HOXC4: variants seen among roughly 807,000 people sequenced by gnomAD.
HOXC4 encodes the protein homeobox C4.
In HOXC4, 15 loss-of-function variants were observed where a neutral mutation model predicts 25.5. That is an observed-to-expected ratio of 0.59 (90% CI 0.39 to 0.91). The LOEUF is 0.91. Among genes scored for constraint, HOXC4 ranks in the 40% least tolerant of loss-of-function variants. HOXC4 has a pLI of 0.00. For missense variants in HOXC4, 342 were observed against 352.4 expected (o/e 0.97, Z 0.24); for synonymous variants, 165 against 148.0 (o/e 1.11, Z -0.83).
At chr12:54,029,172 G>T (rs560916042) in intron 1 of HOXC4, among the ~76,000 whole-genome samples, 30 of 152,316 alleles carry the variant, frequency 2.0e-4, no homozygotes, top group Non-Finnish European at 3.5e-4. Flanking sequence ...AACAGGGCAG[G>T]GGATGAGGGG....
chr12:54,052,543 G>C (rs1419706254), upstream of HOXC4, among the ~76,000 whole-genome samples: 1 of 151,340 alleles, frequency 6.6e-6, no homozygotes, highest in Non-Finnish European at 1.5e-5. Flanking sequence ...AATTGGAATC[G>C]GTGGCATGAC....
rs555227704 is a variant in HOXC4, at chr12:54,045,377, G to A, written c.-123-7783G>A. ...ACCAATCTTTCTATAGTGGTTGGAT[G>A]TATATGCTAGGATGTATTGGTACAG... On this transcript the variant is annotated intron_variant, in intron 1 of 3. Coordinates refer to the HOXC4 transcript ENST00000303406. 2.0e-4 allele frequency among the ~76,000 whole-genome samples: 31 copies of A among 152,336 alleles called. No individual in the cohort carries two copies. In the East Asian group the frequency reaches 3.1e-3, roughly 15 times the overall value.
intron 1 of HOXC4, among the ~76,000 whole-genome samples, chr12:54,037,482 G>T (rs1187104496): frequency 2.0e-5 from 3 of 152,194 alleles, no homozygotes; most frequent in East Asian, 3.9e-4. Flanking sequence ...AGTGGGAAGA[G>T]GGGGGACACG....
intron 1 of HOXC4, among the ~76,000 whole-genome samples, chr12:54,038,330 C>G (rs1051521243): frequency 6.6e-6 from 1 of 152,130 alleles, no homozygotes; most frequent in African/African-American, 2.4e-5. Flanking sequence ...AGAAAGCAAG[C>G]GGCAGCAACA....
upstream of HOXC4, among the ~76,000 whole-genome samples, chr12:54,053,703 C>T (rs1011351786): frequency 2.0e-5 from 3 of 151,848 alleles, no homozygotes; most frequent in South Asian, 2.1e-4. Flanking sequence ...TCACCACCCA[C>T]CCCCGCCTCC....
At chr12:54,052,572 G>A (rs865866823), upstream of HOXC4, among the ~76,000 whole-genome samples, 5 of 149,186 alleles carry the variant, frequency 3.4e-5, no homozygotes, top group Admixed American at 6.6e-5. Flanking sequence ...CCCTAGCTGG[G>A]GGGGGGGGGT....
intron 1 of HOXC4, among the ~76,000 whole-genome samples, chr12:54,041,901 A>G (rs1941279238): frequency 6.6e-6 from 1 of 151,800 alleles, no homozygotes; most frequent in Non-Finnish European, 1.5e-5. Flanking sequence ...GACCTCAGGT[A>G]ATCCACACGC....
chr12:54,030,320 C>T (rs1940935477), intron 1 of HOXC4: 1 of 161,384 alleles, frequency 6.2e-6, no homozygotes, highest in Non-Finnish European at 1.3e-5. Flanking sequence ...CACCCCCGCC[C>T]CCCGTGCAGA....
At chr12:54,048,829 C>G (rs1488759413) in intron 1 of HOXC4, among the ~76,000 whole-genome samples, 1 of 152,190 alleles carries the variant, frequency 6.6e-6, no homozygotes, top group Non-Finnish European at 1.5e-5. Flanking sequence ...CCTCCATAAA[C>G]TAACCTAAGG....
At chr12:54,030,303 A>T in intron 1 of HOXC4, 1 of 158,022 alleles carries the variant, frequency 6.3e-6, no homozygotes. Flanking sequence ...CACTCCTTCG[A>T]CGCCCCCACC....
intron 1 of HOXC4, among the ~76,000 whole-genome samples, chr12:54,036,037 T>C (rs923639472): frequency 1.3e-5 from 2 of 152,096 alleles, no homozygotes; most frequent in African/African-American, 4.8e-5. Flanking sequence ...AGGAGCTGCA[T>C]AGACCAGTGC....
intron 1 of HOXC4, chr12:54,020,198 G>A (rs2136418000): frequency 6.6e-6 from 1 of 152,348 alleles, no homozygotes. Context: ...TCTAATAATA[G>A]CCAGGGTGGC....
At chr12:54,044,012 C>G (rs1012410772) in intron 1 of HOXC4, among the ~76,000 whole-genome samples, 1 of 151,124 alleles carries the variant, frequency 6.6e-6, no homozygotes, top group African/African-American at 2.4e-5. Flanking sequence ...TGTTGTGTCT[C>G]TCCCCATCCC....
intron 1 of HOXC4, among the ~76,000 whole-genome samples, chr12:54,038,468 A>G (rs1941222657): frequency 6.6e-6 from 1 of 152,156 alleles, no homozygotes; most frequent in Non-Finnish European, 1.5e-5. Context: ...AACTGGGGAG[A>G]AAGGCAGGGA....
rs201246146 is a variant in HOXC4 at position 54,053,967 on chromosome 12, G to C, written c.45G>C (p.Pro15=). 1 of 1,613,972 alleles carries C rather than the reference G, an allele frequency of 6.2e-7. No homozygotes were observed. Among genetic ancestry groups the C allele is most frequent in the Middle Eastern group, 1.6e-4 (1 of 6,062 alleles). Residue 15 remains proline, a synonymous_variant, in exon 1 of 2, where the codon CCG becomes CCC. Transcript: ENST00000430889. ...TGATGGACTCTAACTACATCGATCCGAAATTTCCTCCATGCGAAGAATATT... is the reference window on the plus strand; with the variant it reads ...TGATGGACTCTAACTACATCGATCCCAAATTTCCTCCATGCGAAGAATATT... The part of the protein sequence containing the change: ...SYLMDSNYID[P]KFPPCEEYSQ...
intron 1 of HOXC4, 101 bp from the exon 2 acceptor site, chr12:54,054,749 A>G (rs1237743176): frequency 1.5e-5 from 11 of 736,530 alleles, no homozygotes; most frequent in Non-Finnish European, 2.2e-5. Flanking sequence ...TATTTCCACC[A>G]CTCCCTCCTC....
chr12:54,033,544 A>G, intron 1 of HOXC4: 1 of 1,596,948 alleles, frequency 6.3e-7, no homozygotes, highest in Non-Finnish European at 8.5e-7. Context: ...CCACAGATTT[A>G]CCCGTGGATG....
chr12:54,044,006 G>T (rs566353768), intron 1 of HOXC4, among the ~76,000 whole-genome samples: 235 of 149,316 alleles, frequency 1.6e-3, no homozygotes, highest in South Asian at 3.2e-3. Context: ...ATTTTATGTT[G>T]TGTCTCTCCC....
intron 1 of HOXC4, among the ~76,000 whole-genome samples, chr12:54,046,792 A>G (rs894509454): frequency 5.3e-5 from 8 of 151,928 alleles, no homozygotes; most frequent in Non-Finnish European, 1.0e-4. Context: ...TACCCTTCTC[A>G]TCAATTTCTC....
Sources: allele counts gnomAD v4.1 joint callset (sites outside exome capture counted in the v4.1 genomes callset), GRCh38; gene constraint gnomAD v4.1.1; transcripts MANE v1.5; gene names NCBI Gene and HGNC (gene_info 2026-07-23, HGNC 2026-07-21).